The following HCN1 variants were observed in gnomAD, a reference collection of about 807,000 sequenced individuals.
The protein encoded by HCN1 is potassium/sodium hyperpolarization-activated cyclic nucleotide-gated channel 1.
A neutral mutation model predicts 78.9 loss-of-function variants in HCN1; 13 were observed. That is an observed-to-expected ratio of 0.16 (90% confidence interval 0.11 to 0.26). The LOEUF is 0.26. HCN1 is among the 10% of genes least tolerant of loss of function. The pLI is 1.00. For missense variants in HCN1, 810 were observed against 1,154.3 expected (o/e 0.70, Z 4.32); for synonymous variants, 552 against 455.5 (o/e 1.21, Z -2.70).
chr5:45,659,766 A>C (rs1157832855), intron 1 of HCN1, among the ~76,000 whole-genome samples: 1 of 115,972 alleles, frequency 8.6e-6, no homozygotes, highest in African/African-American at 3.8e-5. Flanking sequence ...AAAGAATAAA[A>C]AGAAATGAGC....
At chr5:45,276,734 C>T (rs1300238531) in intron 6 of HCN1, among the ~76,000 whole-genome samples, 2 of 152,106 alleles carry the variant, frequency 1.3e-5, no homozygotes, top group South Asian at 2.1e-4. Flanking sequence ...GGCTAAATAA[C>T]CTACTAGAGA....
intron 5 of HCN1, among the ~76,000 whole-genome samples, chr5:45,315,885 A>AGACC (rs1203597340): frequency 3.9e-5 from 6 of 152,214 alleles, no homozygotes; most frequent in Admixed American, 6.5e-5. Context: ...ATCCCTGAAT[A>AGACC]GACCAATAAC....
At chr5:45,597,150 A>G (rs1280291959) in intron 2 of HCN1, among the ~76,000 whole-genome samples, 1 of 152,202 alleles carries the variant, frequency 6.6e-6, no homozygotes, top group Non-Finnish European at 1.5e-5. Context: ...CCTGATCAAC[A>G]TTGATGCAAA....
chr5:45,277,097 G>A (rs1490990794), intron 6 of HCN1, among the ~76,000 whole-genome samples: 1 of 152,050 alleles, frequency 6.6e-6, no homozygotes, highest in Non-Finnish European at 1.5e-5. Flanking sequence ...AAAACTTCGT[G>A]TGCAAAATAT....
chr5:45,396,400 TAGAG>T, intron 4 of HCN1, 88 bp downstream of exon 4: 2 of 916,094 alleles, frequency 2.2e-6, no homozygotes, highest in Admixed American at 4.1e-5. Context: ...TTTTTTTTTA[TAGAG>T]GAGATGGTGT....
At chr5:45,389,075 A>G (rs532566847) in intron 4 of HCN1, among the ~76,000 whole-genome samples, 6 of 152,214 alleles carry the variant, frequency 3.9e-5, no homozygotes, top group Admixed American at 6.6e-5. Flanking sequence ...CTAGACTCTC[A>G]AGGCATTTAG....
At chr5:45,387,677 C>T (rs1490714382) in intron 4 of HCN1, among the ~76,000 whole-genome samples, 1 of 152,014 alleles carries the variant, frequency 6.6e-6, no homozygotes. Context: ...CCCTGTATAT[C>T]TCCACATTCT....
intron 5 of HCN1, among the ~76,000 whole-genome samples, chr5:45,310,802 G>T (rs547015348): frequency 6.6e-6 from 1 of 152,228 alleles, no homozygotes; most frequent in African/African-American, 2.4e-5. Context: ...AGAACATGTG[G>T]TAAATATATA....
At chr5:45,303,098 T>C (rs370548371) in intron 6 of HCN1, among the ~76,000 whole-genome samples, 3 of 152,244 alleles carry the variant, frequency 2.0e-5, no homozygotes, top group East Asian at 3.9e-4. Context: ...TCCTTAGGCC[T>C]GAAGGTGATC....
intron 7 of HCN1, 110 bp from the exon 8 acceptor site, chr5:45,262,920 G>T: frequency 8.5e-7 from 1 of 1,180,998 alleles, no homozygotes; most frequent in Non-Finnish European, 1.2e-6. Flanking sequence ...CACAGGAGAG[G>T]CTTAAAAAGC....
At position 45,645,582 on chromosome 5, in the gene HCN1, A is replaced by G. The variant is rs1170404648; in HGVS notation, c.452T>C (p.Ile151Thr). ...FRFYWDLIML[I>T]MMVGNLVIIP... ...GATGACTAGATTTCCAACCATCATT[A>G]TAAGCATTATTAAATCCCAGTAAAA... Residue 151 changes from isoleucine to threonine, a missense_variant, in exon 2 of 8, where the codon ATA (isoleucine) becomes ACA (threonine). Ile to Thr is a moderately conservative substitution (Grantham distance 89). This residue lies in a region of HCN1 where 104 missense variants were observed against 402.8 expected (regional missense o/e 0.26). Coordinates refer to ENST00000303230, the MANE Select transcript of HCN1 (RefSeq NM_021072.4). 6.2e-7 allele frequency: 1 copy of G among 1,606,498 alleles called. No individual in the cohort carries two copies. Among genetic ancestry groups the G allele is most frequent in the Admixed American group, 1.7e-5 (1 of 59,598 alleles).
chr5:45,645,390 A>G lies in HCN1; in HGVS notation c.644T>C (p.Met215Thr). The G allele has an allele frequency of 6.2e-7, 1 of 1,613,488 alleles. No homozygotes were observed. Among genetic ancestry groups the G allele is most frequent in the South Asian group, 1.1e-5 (1 of 91,080 alleles). The change falls in exon 2 of 8, where the codon ATG (methionine) becomes ACG (threonine). Residue 215 changes from methionine (M) to threonine (T), a missense_variant. Transcript: ENST00000303230. ...EIILDPKVIK[M>T]NYLKSWFVVD... ...CACAAACCAGCTTTTTAAATAATTC[A>G]TCTTGATCACTTTGGGGTCCAGGAT...
At chr5:45,668,705 G>C (rs1043438051) in intron 1 of HCN1, among the ~76,000 whole-genome samples, 1 of 151,824 alleles carries the variant, frequency 6.6e-6, no homozygotes, top group Non-Finnish European at 1.5e-5. Context: ...GACCTTTATG[G>C]ATGTTAGGAG....
intron 4 of HCN1, among the ~76,000 whole-genome samples, chr5:45,364,802 T>G (rs1747200234): frequency 6.6e-6 from 1 of 152,122 alleles, no homozygotes; most frequent in Non-Finnish European, 1.5e-5. Context: ...ACATTCAGTA[T>G]GTATGGGGTT....
At chr5:45,441,613 G>A (rs1262775598) in intron 3 of HCN1, among the ~76,000 whole-genome samples, 1 of 152,160 alleles carries the variant, frequency 6.6e-6, no homozygotes, top group African/African-American at 2.4e-5. Context: ...CTTGTGATAC[G>A]ATTAATATGC....
chr5:45,520,956 A>G (rs1742601706), intron 2 of HCN1, among the ~76,000 whole-genome samples: 1 of 151,744 alleles, frequency 6.6e-6, no homozygotes, highest in African/African-American at 2.4e-5. Context: ...CAAGAAAAGC[A>G]CGTCATATGC....
At chr5:45,336,920 A>G (rs918367928) in intron 5 of HCN1, among the ~76,000 whole-genome samples, 1 of 151,942 alleles carries the variant, frequency 6.6e-6, no homozygotes, top group Non-Finnish European at 1.5e-5. Flanking sequence ...TCACCTCCCA[A>G]AGGCCCCTTC....
chr5:45,353,472 A>G (rs1424837582), intron 4 of HCN1, among the ~76,000 whole-genome samples: 2 of 152,052 alleles, frequency 1.3e-5, no homozygotes, highest in African/African-American at 2.4e-5. Flanking sequence ...AAGAACTAAG[A>G]TATCGTGGAG....
chr5:45,259,043 A>T lies in HCN1; in HGVS notation c.*2878T>A, dbSNP rs1043524007. On this transcript the variant is annotated 3_prime_UTR_variant, in exon 8 of 8. Transcript: ENST00000303230. ...AATAAGCTCATATTTTACTATACGAAAAAGGTAAACAAAGAAGTGGTTGAA... is the reference window on the plus strand; with the variant it reads ...AATAAGCTCATATTTTACTATACGATAAAGGTAAACAAAGAAGTGGTTGAA... 3 of 151,966 alleles carry T rather than the reference A, an allele frequency of 2.0e-5. No individual in the cohort carries two copies. The East Asian group carries it at 5.8e-4, about 29-fold the overall frequency. 9.4% of individuals were successfully genotyped at this position (151,966 alleles called of 1,614,324 possible). A position where few individuals can be genotyped will look rare whatever the true frequency, so the allele number is the denominator to read the frequency against.
Sources: allele counts gnomAD v4.1 joint callset (sites outside exome capture counted in the v4.1 genomes callset), GRCh38; gene constraint gnomAD v4.1.1; regional missense constraint gnomAD v4.1.1; transcripts MANE v1.5; gene names NCBI Gene and HGNC (gene_info 2026-07-23, HGNC 2026-07-21).